MROH9: variants seen among roughly 807,000 people sequenced by gnomAD.
MROH9 encodes the protein maestro heat like repeat family member 9.
In MROH9, 92 loss-of-function variants were observed where a neutral mutation model predicts 98.2. That is an observed-to-expected ratio of 0.94 (90% confidence interval 0.79 to 1.11). MROH9 has a LOEUF of 1.11. MROH9 is among the 50% of genes most tolerant of loss of function. The pLI is 0.00. For missense variants in MROH9, 1,057 were observed against 1,014.8 expected (o/e 1.04, Z -0.57); for synonymous variants, 397 against 368.9 (o/e 1.08, Z -0.87).
chr1:170,981,952 G>C (rs928308610), intron 8 of MROH9, among the ~76,000 whole-genome samples: 1 of 152,168 alleles, frequency 6.6e-6, no homozygotes, highest in Non-Finnish European at 1.5e-5. Flanking sequence ...GCTATGTGTT[G>C]TTAAGGATGT....
chr1:170,947,565 C>T lies in MROH9; in HGVS notation c.64C>T (p.His22Tyr), dbSNP rs768767748. ...LQILQDSVKW[H>Y]HMAHKVNSLL... ...GATTCTGCAAGACAGTGTGAAATGG[C>T]ACCACATGGTAAGTGATATTCTATA... The change falls in exon 3 of 22, where the codon CAC (histidine) becomes TAC (tyrosine). Residue 22 changes from histidine to tyrosine, a missense_variant. By Grantham distance (83) the His-to-Tyr change is moderately conservative. Coordinates refer to ENST00000367759, the MANE Select transcript of MROH9 (RefSeq NM_001163629.2). 2 of 1,609,780 alleles carry T rather than the reference C, an allele frequency of 1.2e-6. No homozygotes were observed. Among genetic ancestry groups the T allele is most frequent in the South Asian group, 1.1e-5 (1 of 90,804 alleles).
chr1:171,060,631 GC>G (rs1653981914), intron 20 of MROH9, among the ~76,000 whole-genome samples: 1 of 152,152 alleles, frequency 6.6e-6, no homozygotes, highest in Non-Finnish European at 1.5e-5. Context: ...AGGTGACACT[GC>G]CGAACAGTAA....
chr1:171,000,264 A>G (rs1372519736), intron 15 of MROH9, among the ~76,000 whole-genome samples: 1 of 151,020 alleles, frequency 6.6e-6, no homozygotes, highest in African/African-American at 2.4e-5. Context: ...TGTCTAAGCC[A>G]ATGTCTAGAA....
At chr1:171,048,425 G>T (rs181416784) in intron 20 of MROH9, among the ~76,000 whole-genome samples, 12 of 152,024 alleles carry the variant, frequency 7.9e-5, no homozygotes, top group Non-Finnish European at 1.5e-4. Context: ...TTGTAGCCAC[G>T]ACCATCCCAC....
chr1:171,019,372 G>A (rs979190343), intron 17 of MROH9, among the ~76,000 whole-genome samples: 10 of 151,902 alleles, frequency 6.6e-5, no homozygotes, highest in African/African-American at 1.9e-4. Flanking sequence ...TAGAAACATC[G>A]GCCAGGAGAA....
chr1:170,992,106 A>T, intron 11 of MROH9, 58 bp from the exon 12 acceptor site: 1 of 1,484,138 alleles, frequency 6.7e-7, no homozygotes, highest in Non-Finnish European at 9.0e-7. Flanking sequence ...TTGTTATTCT[A>T]TCAAGTAGGA....
rs754332732 is a variant in MROH9, at chr1:171,044,972, C to CTTTTTTTTTTTTTTTTTTTTTTTTTT, written c.2282-17138_2282-17113dup. ...CAATTCCATTTATTTCTGCTCTGAT[C>CTTTTTTTTTTTTTTTTTTTTTTTTTT]TTTTTTTTTTTTTTTTTTTTTTTTT... On this transcript the variant is annotated intron_variant, in intron 20 of 21. Coordinates refer to ENST00000367759, the MANE Select transcript of MROH9 (RefSeq NM_001163629.2). Among the ~76,000 whole-genome samples, 17 of 45,712 alleles carry CTTTTTTTTTTTTTTTTTTTTTTTTTT rather than the reference C, an allele frequency of 3.7e-4. 6 individuals are homozygous for CTTTTTTTTTTTTTTTTTTTTTTTTTT. The highest frequency in any genetic ancestry group is 0.012 in the Middle Eastern group (1 of 82). 30.0% of individuals were successfully genotyped at this position (45,712 alleles called of 152,430 possible).
exon 22 of MROH9, chr1:171,064,762 GAC>G (rs1344936854): frequency 3.2e-5 from 5 of 155,918 alleles, no homozygotes; most frequent in African/African-American, 7.2e-5. Flanking sequence ...ACAGTCTAGT[GAC>G]ACATAGTGTG....
chr1:171,050,617 G>A (rs1653633024), intron 20 of MROH9, among the ~76,000 whole-genome samples: 1 of 152,016 alleles, frequency 6.6e-6, no homozygotes, highest in African/African-American at 2.4e-5. Flanking sequence ...CAGTGAAGAG[G>A]GATGATTTGA....
In MROH9 at chr1:171,064,328, T is replaced by A; in HGVS notation, c.2574T>A (p.Asp858Glu). 1 of 1,537,678 alleles carries A rather than the reference T, an allele frequency of 6.5e-7. No homozygotes were observed. Among genetic ancestry groups the A allele is most frequent in the Non-Finnish European group, 8.7e-7 (1 of 1,143,552 alleles). The change falls in exon 22 of 22, where the codon GAT becomes GAA. Residue 858 changes from aspartate to glutamate, a missense_variant. Asp to Glu is a conservative substitution (Grantham distance 45, BLOSUM62 2). Coordinates refer to ENST00000367759, the MANE Select transcript of MROH9 (RefSeq NM_001163629.2). ...CAGACAGTAAAGATGTCAAGAATGATAAGGCCTTATAGAAGAGAATGATGA... is the reference window on the plus strand; with the variant it reads ...CAGACAGTAAAGATGTCAAGAATGAAAAGGCCTTATAGAAGAGAATGATGA... ...SPTDSKDVKN[D>E]KAL
intron 8 of MROH9, among the ~76,000 whole-genome samples, chr1:170,979,635 A>G (rs1650850595): frequency 6.6e-6 from 1 of 152,202 alleles, no homozygotes; most frequent in Non-Finnish European, 1.5e-5. Context: ...CAAAGTATAA[A>G]TGAAAATAAA....
chr1:171,024,255 A>T (rs1443597729), intron 17 of MROH9, 140 bp from the exon 18 acceptor site: 3 of 528,106 alleles, frequency 5.7e-6, no homozygotes, highest in Admixed American at 3.9e-5. Context: ...AAAATTTCAC[A>T]TAGTGTATGT....
intron 20 of MROH9, among the ~76,000 whole-genome samples, chr1:171,058,513 TA>T (rs1450433651): frequency 1.3e-5 from 2 of 152,154 alleles, no homozygotes; most frequent in African/African-American, 4.8e-5. Flanking sequence ...TCATTTCATA[TA>T]TGATCAAAAA....
rs185940982 is a variant in MROH9 at position 170,953,499 on chromosome 1, G to C, written c.73-4962G>C. On this transcript the variant is annotated intron_variant, in intron 3 of 21. Transcript: ENST00000367759. Reference sequence around the variant, plus strand: ...TACATTTATATTTATGATCCATTTTGTGTAGGTGCAAGGTAAAGTATAAAT... The same window carrying C: ...TACATTTATATTTATGATCCATTTTCTGTAGGTGCAAGGTAAAGTATAAAT... 3.1e-3 allele frequency among the ~76,000 whole-genome samples: 466 copies of C among 151,842 alleles called. 5 individuals carry two copies. The highest frequency in any genetic ancestry group is 0.011 in the African/African-American group (444 of 41,428).
intron 20 of MROH9, among the ~76,000 whole-genome samples, chr1:171,055,210 A>C (rs1653797647): frequency 6.6e-6 from 1 of 152,248 alleles, no homozygotes; most frequent in South Asian, 2.1e-4. Flanking sequence ...TGGCATTTGC[A>C]GCAACCTGGA....
intron 15 of MROH9, among the ~76,000 whole-genome samples, chr1:171,007,385 C>T (rs1473831830): frequency 6.6e-6 from 1 of 152,130 alleles, no homozygotes; most frequent in Non-Finnish European, 1.5e-5. Flanking sequence ...GGGTGTAGCT[C>T]CTTTTGGGTC....
Position 170,945,565 on chromosome 1 carries a change from A to G in MROH9, c.9A>G (p.Thr3=). 2 of 1,612,198 alleles carry G rather than the reference A, an allele frequency of 1.2e-6. No individual in the cohort carries two copies. Among genetic ancestry groups the G allele is most frequent in the Non-Finnish European group, 1.7e-6 (2 of 1,178,900 alleles). Residue 3 remains threonine, a synonymous_variant, in exon 2 of 22, where the codon ACA becomes ACG. Transcript: ENST00000367759. ...AATACACCTCTGTCAGCATGTTGAC[A>G]AGGAATCCAAAAACAAGTAAGGCTT... is the stretch of plus-strand genomic sequence containing the variant. ML[T]RNPKTKSSLQ... is the part of the protein sequence containing the mutation.
chr1:170,947,723 T>G (rs1217116926), intron 3 of MROH9, 150 bp downstream of exon 3: 1 of 652,544 alleles, frequency 1.5e-6, no homozygotes, highest in Non-Finnish European at 2.6e-6. Flanking sequence ...TGGTTAAAAA[T>G]TGTTTTTACC....
At chr1:170,964,015 A>T (rs1351869517) in intron 6 of MROH9, among the ~76,000 whole-genome samples, 1 of 152,104 alleles carries the variant, frequency 6.6e-6, no homozygotes, top group Non-Finnish European at 1.5e-5. Context: ...TTCCCTGCCC[A>T]TGCATGCTCT....
Sources: gnomAD v4.1 joint callset for allele counts (sites outside exome capture counted in the v4.1 genomes callset) on GRCh38, gnomAD v4.1.1 for gene constraint, MANE v1.5 for transcripts, NCBI Gene and HGNC (gene_info 2026-07-23, HGNC 2026-07-21) for gene names.